PXDN: variants seen among roughly 807,000 people sequenced by gnomAD.
PXDN encodes the protein peroxidasin homolog.
In PXDN, 77 loss-of-function variants were observed where a neutral mutation model predicts 140.3. The observed-to-expected ratio is 0.55, with a 90% CI of 0.46 to 0.66. PXDN has a LOEUF of 0.66. PXDN is among the 30% of genes least tolerant of loss of function. PXDN has a pLI of 0.00. For missense variants in PXDN, 1,838 were observed against 2,039.5 expected (o/e 0.90, Z 1.90); for synonymous variants, 911 against 857.4 (o/e 1.06, Z -1.09).
At chr2:1,727,159 C>A (rs1465371915) in intron 1 of PXDN, among the ~76,000 whole-genome samples, 2 of 152,164 alleles carry the variant, frequency 1.3e-5, no homozygotes, top group Non-Finnish European at 2.9e-5. Flanking sequence ...ATCAAGTAAC[C>A]GCTGACGCTG....
At chr2:1,671,722 T>C (rs958180974) in intron 9 of PXDN, among the ~76,000 whole-genome samples, 27 of 152,354 alleles carry the variant, frequency 1.8e-4, no homozygotes, top group African/African-American at 4.8e-4. Context: ...CACGTCACTC[T>C]ATTCCTATTA....
chr2:1,654,181 T>C (rs1050898843), intron 15 of PXDN, among the ~76,000 whole-genome samples: 1 of 152,256 alleles, frequency 6.6e-6, no homozygotes, highest in Non-Finnish European at 1.5e-5. Context: ...TTGTGGATCA[T>C]AGCCAAATTC....
At chr2:1,656,432 A>C (rs951974540) in intron 14 of PXDN, among the ~76,000 whole-genome samples, 6 of 152,196 alleles carry the variant, frequency 3.9e-5, no homozygotes, top group Non-Finnish European at 2.9e-5. Context: ...ACACAGCCCA[A>C]CACACCCTTA....
rs946877773 is a variant in PXDN at position 1,649,987 on chromosome 2, G to A, written c.2105-312C>T. On this transcript the variant is annotated intron_variant, in intron 16 of 22. Coordinates refer to ENST00000252804, the MANE Select transcript of PXDN (RefSeq NM_012293.3). The surrounding 1 kb of genome is among the most constrained non-coding windows in gnomAD (Gnocchi z 7.1). The stretch of plus-strand genomic sequence containing the variant: ...GCTCTCCTCTGGGAGACCCCTAACC[G>A]ATGGAGCCCGACCCACGTTGACCAG... Among the ~76,000 whole-genome samples the A allele has an allele frequency of 3.9e-5, 6 of 151,954 alleles. No individual in the cohort carries two copies. Among genetic ancestry groups the A allele is most frequent in the South Asian group, 2.1e-4 (1 of 4,812 alleles).
At chr2:1,689,697 T>A (rs1684143503) in intron 3 of PXDN, among the ~76,000 whole-genome samples, 2 of 150,810 alleles carry the variant, frequency 1.3e-5, no homozygotes, top group South Asian at 4.2e-4. Flanking sequence ...GGCAGGAGAA[T>A]CCTTTGAACC....
At position 1,687,474 on chromosome 2, in the gene PXDN, C is replaced by T. The variant is rs2278114; in HGVS notation, c.416+158G>A. The stretch of plus-strand genomic sequence containing the variant: ...GGCGGGGCGGAGGGCAAATGACTCG[C>T]CCATCCCTGTTTTTCCGTCATCATG... On this transcript the variant is annotated intron_variant, in intron 4 of 22. Transcript: ENST00000252804. The surrounding 1 kb of genome is among the most constrained non-coding windows in gnomAD (Gnocchi z 4.0). Among the ~76,000 whole-genome samples the T allele has an allele frequency of 0.034, 5,193 of 152,256 alleles. 294 individuals carry two copies. The highest frequency in any genetic ancestry group is 0.29 in the East Asian group (1,485 of 5,148).
intron 1 of PXDN, among the ~76,000 whole-genome samples, chr2:1,728,697 G>C (rs1219050778): frequency 6.6e-6 from 1 of 152,218 alleles, no homozygotes; most frequent in Admixed American, 6.5e-5. Context: ...TGGCTGTGCT[G>C]CCCTCACGAG....
At chr2:1,737,356 C>T (rs1427786361) in intron 1 of PXDN, among the ~76,000 whole-genome samples, 2 of 152,126 alleles carry the variant, frequency 1.3e-5, no homozygotes, top group Non-Finnish European at 2.9e-5. Context: ...GATCTCGTAT[C>T]TACGCCAGGA....
Position 1,738,867 on chromosome 2 carries a change from A to T in PXDN, c.200+5389T>A, listed in dbSNP as rs7580445. Among the ~76,000 whole-genome samples the T allele has an allele frequency of 3.3e-5, 5 of 152,028 alleles. No individual in the cohort carries two copies. The South Asian group carries it at 6.2e-4, about 19-fold the overall frequency. ...CAGCCTGATCTTCCAACTCTTACCC[A>T]GCTTTGAGATTCATGACGTCTGCCC... On this transcript the variant is annotated intron_variant, in intron 1 of 22. Coordinates refer to ENST00000252804, the MANE Select transcript of PXDN (RefSeq NM_012293.3).
At chr2:1,681,644 T>C (rs1245099922) in intron 6 of PXDN, among the ~76,000 whole-genome samples, 1 of 152,072 alleles carries the variant, frequency 6.6e-6, no homozygotes, top group Non-Finnish European at 1.5e-5. Flanking sequence ...AGAACTGGCC[T>C]CACGACCAGA....
At chr2:1,712,287 T>C (rs74500612) in intron 1 of PXDN, among the ~76,000 whole-genome samples, 2 of 152,264 alleles carry the variant, frequency 1.3e-5, no homozygotes, top group Non-Finnish European at 2.9e-5. Flanking sequence ...AATGCAGTCA[T>C]AATATTTAAA....
Position 1,660,856 on chromosome 2 carries a change from T to TAG in PXDN, c.1837+23_1837+24dup, listed in dbSNP as rs149261335. 3.6e-3 allele frequency: 5,793 copies of TAG among 1,598,896 alleles called. 177 individuals are homozygous for TAG. The African/African-American group carries it at 0.069, about 19-fold the overall frequency. On this transcript the variant is annotated intron_variant, in intron 14 of 22. Coordinates refer to ENST00000252804, the MANE Select transcript of PXDN (RefSeq NM_012293.3). This position sits in a 1 kb window ranked among gnomAD's most constrained non-coding sequence, Gnocchi z 4.6. ...GCTTTCTTTGTGGATACCATGTGGGTAGATGTGGGCATGTGGCATCTTACC... is the reference window on the plus strand; with the variant it reads ...GCTTTCTTTGTGGATACCATGTGGGTAGAGATGTGGGCATGTGGCATCTTACC...
chr2:1,719,923 AGAGAGG>A (rs201153196), intron 1 of PXDN, among the ~76,000 whole-genome samples: 1,444 of 79,464 alleles, frequency 0.018, 235 homozygotes, highest in African/African-American at 0.059. Flanking sequence ...GGAGGGATGC[AGAGAGG>A]GAGAGAGAGA....
intron 7 of PXDN, among the ~76,000 whole-genome samples, chr2:1,679,405 T>C (rs1415239369): frequency 3.4e-5 from 5 of 148,004 alleles, no homozygotes; most frequent in Non-Finnish European, 3.0e-5. Context: ...TGGGTGGAGA[T>C]GGTATGTGCG....
rs1460077804 is a variant in PXDN at position 1,639,627 on chromosome 2, CCCTCATG to C, written c.3953-212_3953-206del. Reference sequence around the variant, plus strand: ...AAGCCTCTCTCCACCTGTGCCCCAGCCCTCATGACCTCCTGGTGCTGGCCGCCCTGAG... The same window carrying C: ...AAGCCTCTCTCCACCTGTGCCCCAGCACCTCCTGGTGCTGGCCGCCCTGAG... On this transcript the variant is annotated intron_variant, in intron 19 of 22. Transcript: ENST00000252804. The surrounding 1 kb of genome is among the most constrained non-coding windows in gnomAD (Gnocchi z 5.0). 1.3e-5 allele frequency among the ~76,000 whole-genome samples: 2 copies of C among 152,144 alleles called. No homozygotes were observed. The highest frequency in any genetic ancestry group is 4.8e-5 in the African/African-American group (2 of 41,446).
At chr2:1,634,469 G>T in intron 22 of PXDN, 146 bp from the exon 23 acceptor site, 1 of 1,087,058 alleles carries the variant, frequency 9.2e-7, no homozygotes, top group Non-Finnish European at 1.3e-6. Flanking sequence ...TACTTGCCCT[G>T]TGGGCATGGA....
chr2:1,701,646 C>T (rs1005836013), intron 1 of PXDN, among the ~76,000 whole-genome samples: 1 of 152,088 alleles, frequency 6.6e-6, no homozygotes, highest in Admixed American at 6.5e-5. Flanking sequence ...TCAGGGGTGT[C>T]CAGCTGCCTG....
At chr2:1,637,119 G>A (rs1376113246) in intron 21 of PXDN, 1 of 152,406 alleles carries the variant, frequency 6.6e-6, no homozygotes, top group Non-Finnish European at 1.5e-5. Flanking sequence ...GACACAGGTG[G>A]GGTGGCTGGT....
At chr2:1,669,661 G>A (rs1005715533) in intron 9 of PXDN, 4 of 152,024 alleles carry the variant, frequency 2.6e-5, no homozygotes, top group Non-Finnish European at 4.4e-5. Context: ...CCAACATGGC[G>A]AAACCCTGCC....
Sources: gnomAD v4.1 joint callset for allele counts (sites outside exome capture counted in the v4.1 genomes callset) on GRCh38, gnomAD v4.1.1 for gene constraint, Gnocchi (gnomAD v3.1) non-coding constraint, MANE v1.5 for transcripts, NCBI Gene and HGNC (gene_info 2026-07-23, HGNC 2026-07-21) for gene names.